AOX1: variants seen among roughly 807,000 people sequenced by gnomAD.
The protein encoded by AOX1 is aldehyde oxidase 1.
AOX1 carries 153 observed loss-of-function variants against 169.5 expected under a neutral mutation model. The ratio of observed to expected loss-of-function variants is 0.90; its 90% CI spans 0.79 to 1.03. The LOEUF is 1.03. AOX1 is among the 50% of genes least tolerant of loss of function. The pLI is 0.00. For synonymous variants in AOX1, 562 were observed against 581.9 expected (o/e 0.97, Z 0.49); for missense variants, 1,656 against 1,663.9 (o/e 1.00, Z 0.08).
intron 14 of AOX1, among the ~76,000 whole-genome samples, chr2:200,613,202 C>T (rs2034682898): frequency 6.6e-6 from 1 of 152,154 alleles, no homozygotes; most frequent in Non-Finnish European, 1.5e-5. Context: ...AAAGATGACA[C>T]TAATAGCTAA....
Position 200,597,457 on chromosome 2 carries a change from C to G in AOX1, c.261C>G (p.Thr87=), listed in dbSNP as rs1221631952. 1.9e-6 allele frequency: 3 copies of G among 1,612,536 alleles called. No homozygotes were observed. The highest frequency in any genetic ancestry group is 3.3e-5 in the Admixed American group (2 of 59,868). ...PICSLYGAAV[T]TVEGIGSTHT... is the part of the protein sequence containing the mutation. ...GTTCTCTGTATGGTGCTGCCGTCAC[C>G]ACAGTAGAAGGCATAGGAAGCACCC... is the stretch of plus-strand genomic sequence containing the variant. The change falls in exon 4 of 35, where the codon ACC becomes ACG. Residue 87 remains threonine, a synonymous_variant. Coordinates refer to ENST00000374700, the MANE Select transcript of AOX1 (RefSeq NM_001159.4).
intron 22 of AOX1, 156 bp from the exon 23 acceptor site, chr2:200,638,059 T>C: frequency 1.6e-6 from 1 of 613,294 alleles, no homozygotes; most frequent in Admixed American, 2.4e-5. Flanking sequence ...GCCCACGGTG[T>C]ATGCCTGAGA....
intron 19 of AOX1, among the ~76,000 whole-genome samples, chr2:200,625,209 T>C (rs2034975657): frequency 6.6e-6 from 1 of 152,200 alleles, no homozygotes; most frequent in African/African-American, 2.4e-5. Context: ...CAGGCCCTTT[T>C]CATTTACATG....
intron 27 of AOX1, among the ~76,000 whole-genome samples, chr2:200,657,190 A>ATATATATATTTTTT: frequency 4.1e-4 from 26 of 62,876 alleles, no homozygotes; most frequent in East Asian, 9.1e-4. Context: ...ATATATATAT[A>ATATATATATTTTTT]TTTTTTTTTT....
intron 2 of AOX1, among the ~76,000 whole-genome samples, chr2:200,594,767 G>A (rs564180143): frequency 6.6e-6 from 1 of 152,206 alleles, no homozygotes; most frequent in Non-Finnish European, 1.5e-5. Flanking sequence ...CTAAAAATCA[G>A]TGTTTCTATT....
chr2:200,620,765 AC>A lies in AOX1; in HGVS notation c.1822del (p.Gln608ArgfsTer5), dbSNP rs2034869675. 1 of 1,609,436 alleles carries A rather than the reference AC, an allele frequency of 6.2e-7. No homozygotes were observed. ...AIYCDDMPLV[D>X]QELFLTFVTS... ...TACTGTGATGACATGCCTCTGGTGG[AC>A]CAGGAACTTTTCTTGACTTTTGTGA... is the stretch of plus-strand genomic sequence containing the variant. On this transcript the variant is annotated frameshift_variant, in exon 17 of 35. Transcript: ENST00000374700. LOFTEE classifies it high-confidence loss of function.
chr2:200,617,481 C>CAAA (rs35035526), intron 16 of AOX1, among the ~76,000 whole-genome samples: 138 of 57,946 alleles, frequency 2.4e-3, no homozygotes, highest in Middle Eastern at 8.2e-3. Context: ...CAACTAACTG[C>CAAA]AAAAAAAAAA....
At chr2:200,603,961 A>C in intron 7 of AOX1, 56 bp from the exon 8 acceptor site, 7 of 1,220,688 alleles carry the variant, frequency 5.7e-6, no homozygotes, top group Non-Finnish European at 8.5e-6. Context: ...ACCTTATTCC[A>C]CAAAGGATTT....
At position 200,602,344 on chromosome 2, in the gene AOX1, A is replaced by C. The variant is rs2034433239; in HGVS notation, c.497A>C (p.Lys166Thr). ...PIIDACKTFC[K>T]TSGCCQSKEN... ...ATTGATGCATGCAAGACTTTCTGTA[A>C]AGTAAGTGGAAAGGACCACATGTTT... The change falls in exon 6 of 35, where the codon AAA becomes ACA. Residue 166 changes from lysine to threonine, a missense_variant and splice_region_variant. Coordinates refer to ENST00000374700, the MANE Select transcript of AOX1 (RefSeq NM_001159.4). 6.2e-7 allele frequency: 1 copy of C among 1,613,098 alleles called. No homozygotes were observed. Among genetic ancestry groups the C allele is most frequent in the Non-Finnish European group, 8.5e-7 (1 of 1,179,404 alleles).
chr2:200,676,753 G>C, intron 4 of AOX1: 1 of 348,170 alleles, frequency 2.9e-6, no homozygotes, highest in Non-Finnish European at 5.9e-6. Context: ...GGGGGTAACA[G>C]AGCAAGGCGG....
downstream of AOX1, among the ~76,000 whole-genome samples, chr2:200,673,180 G>T (rs576714918): frequency 1.6e-3 from 248 of 152,202 alleles, no homozygotes; most frequent in Non-Finnish European, 2.1e-3. Flanking sequence ...TGGAATTCTC[G>T]AGACAGCCAT....
rs1050884 is a variant in AOX1 at position 200,671,058 on chromosome 2, T to G, written c.*379T>G. 0.063 allele frequency: 11,399 copies of G among 181,014 alleles called. 489 individuals are homozygous for G. The highest frequency in any genetic ancestry group is 0.11 in the Admixed American group (1,943 of 17,514). 11.2% of individuals were successfully genotyped at this position (181,014 alleles called of 1,614,324 possible). On this transcript the variant is annotated 3_prime_UTR_variant, in exon 35 of 35. Coordinates refer to ENST00000374700, the MANE Select transcript of AOX1 (RefSeq NM_001159.4). ...AAGGCAATTTTCTAAATAATTTCATTACTAATATGAACTGTGAAGTTGTCA... is the reference window on the plus strand; with the variant it reads ...AAGGCAATTTTCTAAATAATTTCATGACTAATATGAACTGTGAAGTTGTCA...
intron 9 of AOX1, 106 bp from the exon 10 acceptor site, chr2:200,605,430 T>G (rs2034493588): frequency 2.2e-6 from 1 of 459,086 alleles, no homozygotes; most frequent in South Asian, 6.6e-5. Context: ...AGATACAATA[T>G]TTTTAGATAT....
chr2:200,666,889 C>T, intron 32 of AOX1, 137 bp downstream of exon 32: 1 of 516,310 alleles, frequency 1.9e-6, no homozygotes, highest in Non-Finnish European at 3.5e-6. Context: ...AGACCAACTG[C>T]AGAGCTCAAA....
chr2:200,621,701 T>TCTCA (rs1455059902), intron 18 of AOX1, among the ~76,000 whole-genome samples: 28 of 141,064 alleles, frequency 2.0e-4, no homozygotes, highest in African/African-American at 7.3e-4. Flanking sequence ...TCTCTCAATT[T>TCTCA]ATTCTGATTT....
intron 34 of AOX1, 36 bp from the exon 35 acceptor site, chr2:200,670,593 C>A (rs781245756): frequency 6.3e-7 from 1 of 1,584,318 alleles, no homozygotes; most frequent in East Asian, 2.2e-5. Context: ...ACAAACATTT[C>A]CCAGGTTTGA....
At chr2:200,635,730 T>C (rs1193859651) in intron 21 of AOX1, among the ~76,000 whole-genome samples, 1 of 152,132 alleles carries the variant, frequency 6.6e-6, no homozygotes, top group Non-Finnish European at 1.5e-5. Flanking sequence ...CCGCCCCAGC[T>C]GGAATGAAGG....
chr2:200,613,872 C>A lies in AOX1; in HGVS notation c.1517C>A (p.Ser506Ter). Residue 506 changes from serine (S) to a stop codon, truncating the protein, a stop_gained, in exon 15 of 35, where the codon TCG (serine) becomes TAG (stop). Coordinates refer to ENST00000374700, the MANE Select transcript of AOX1 (RefSeq NM_001159.4). LOFTEE classifies it high-confidence loss of function. ...LILNEVSLLGSAPGGKVEFKR... is the reference protein window; with the variant it reads ...LILNEVSLLG ...CTGAATGAAGTCTCCCTTTTGGGCT[C>A]GGCGCCAGGTGGGAAAGTGGAGTTC... 6.2e-7 allele frequency: 1 copy of A among 1,612,668 alleles called. No homozygotes were observed. The highest frequency in any genetic ancestry group is 8.5e-7 in the Non-Finnish European group (1 of 1,179,970).
chr2:200,681,238 TCCA>T (rs2036150258), downstream of AOX1: 2 of 152,430 alleles, frequency 1.3e-5, no homozygotes, highest in African/African-American at 4.8e-5. Context: ...TCATGGCACT[TCCA>T]GCTGCTACCT....
Sources: gnomAD v4.1 joint callset for allele counts (sites outside exome capture counted in the v4.1 genomes callset) on GRCh38, gnomAD v4.1.1 for gene constraint, MANE v1.5 for transcripts, NCBI Gene and HGNC (gene_info 2026-07-23, HGNC 2026-07-21) for gene names.